CCDC12: variants seen among roughly 807,000 people sequenced by gnomAD.
CCDC12 encodes coiled-coil domain-containing protein 12.
CCDC12 carries 28 observed loss-of-function variants against 25.7 expected under a neutral mutation model. The ratio of observed to expected loss-of-function variants is 1.09; its 90% CI spans 0.81 to 1.50. CCDC12 has a LOEUF of 1.50. Ranked by LOEUF, CCDC12 falls within the 40% of genes most tolerant of loss-of-function variation. The pLI is 0.00. For synonymous variants in CCDC12, 75 were observed against 87.7 expected, an observed-to-expected ratio of 0.86 and a Z score of 0.81; for missense variants, 198 against 210.0, an observed-to-expected ratio of 0.94 and a Z score of 0.35.
At chr3:46,932,005 G>A (rs2033237846) in intron 2 of CCDC12, among the ~76,000 whole-genome samples, 1 of 152,114 alleles carries the variant, frequency 6.6e-6, no homozygotes, top group Non-Finnish European at 1.5e-5. Flanking sequence ...TAAATAACAA[G>A]GCTTCAGTTG....
In CCDC12 at chr3:46,926,806, C is replaced by T. The variant is rs148384069; in HGVS notation, c.165-1271G>A. On this transcript the variant is annotated intron_variant, in intron 2 of 6. Transcript: ENST00000683445. ...CCTCTTTCGGTTCTTGACCAGTGGT[C>T]CCTCAGAAAAGTCCTGGGCCTCTAA... is the stretch of plus-strand genomic sequence containing the variant. 1.6e-3 allele frequency among the ~76,000 whole-genome samples: 241 copies of T among 152,278 alleles called. No homozygotes were observed. The Middle Eastern group carries it at 0.02, about 13-fold the overall frequency.
chr3:46,941,100 G>A (rs372135004), intron 1 of CCDC12, 35 bp from the exon 2 acceptor site: 17 of 1,605,628 alleles, frequency 1.1e-5, no homozygotes, highest in Non-Finnish European at 1.5e-5. Context: ...CAGCTCAGTT[G>A]AAAGCTCCTA....
intron 2 of CCDC12, among the ~76,000 whole-genome samples, chr3:46,926,533 C>G (rs13060505): frequency 0.034 from 5,242 of 152,300 alleles, 139 homozygotes; most frequent in African/African-American, 0.071. Context: ...ACCAAGAACT[C>G]ACTGGGGTCC....
At chr3:46,941,707 T>C (rs2033717969) in intron 1 of CCDC12, among the ~76,000 whole-genome samples, 1 of 152,114 alleles carries the variant, frequency 6.6e-6, no homozygotes, top group Non-Finnish European at 1.5e-5. Context: ...GGAGGGGCCA[T>C]GCTGGCAGGC....
At chr3:46,946,304 T>A (rs2033903752) in intron 1 of CCDC12, among the ~76,000 whole-genome samples, 1 of 152,270 alleles carries the variant, frequency 6.6e-6, no homozygotes, top group Non-Finnish European at 1.5e-5. Flanking sequence ...TTAGAAAATG[T>A]AACTCTGTGC....
chr3:46,938,518 G>GTTTTTTTGTTTTTTTTT (rs2033549517), intron 2 of CCDC12, among the ~76,000 whole-genome samples: 1 of 91,380 alleles, frequency 1.1e-5, no homozygotes, highest in Non-Finnish European at 2.0e-5. Context: ...TTCCCCTCCT[G>GTTTTTTTGTTTTTTTTT]TTTTTTTTTT....
chr3:46,967,349 G>C (rs916080685), intron 1 of CCDC12, among the ~76,000 whole-genome samples: 4 of 152,174 alleles, frequency 2.6e-5, no homozygotes, highest in African/African-American at 9.6e-5. Context: ...CTGAGGTCCA[G>C]CCTTGGTGGT....
chr3:46,941,338 G>A (rs1055597651), intron 1 of CCDC12, among the ~76,000 whole-genome samples: 3 of 152,146 alleles, frequency 2.0e-5, no homozygotes, highest in African/African-American at 4.8e-5. Flanking sequence ...CGAGGTGGGC[G>A]GATCTCGAGG....
At chr3:46,978,263 C>A (rs547958476), upstream of CCDC12, among the ~76,000 whole-genome samples, 85 of 152,308 alleles carry the variant, frequency 5.6e-4, 1 homozygote, top group Middle Eastern at 0.01. Context: ...GCCTGGCATG[C>A]AGTTTGGAGG....
chr3:46,950,025 CA>C (rs11298672), intron 1 of CCDC12, among the ~76,000 whole-genome samples: 57,267 of 108,258 alleles, frequency 0.53, 13,505 homozygotes, highest in Non-Finnish European at 0.59. Flanking sequence ...GACTCCATCT[CA>C]AAAAAAAAAA....
At chr3:46,940,366 T>G (rs1045457128) in intron 2 of CCDC12, among the ~76,000 whole-genome samples, 2 of 152,142 alleles carry the variant, frequency 1.3e-5, no homozygotes, top group African/African-American at 4.8e-5. Flanking sequence ...GCAACTTAAG[T>G]GGACCCAACC....
intron 1 of CCDC12, among the ~76,000 whole-genome samples, chr3:46,965,298 C>T (rs971818755): frequency 6.6e-6 from 1 of 152,226 alleles, no homozygotes; most frequent in South Asian, 2.1e-4. Flanking sequence ...CAACTTACAC[C>T]TTGTAATACC....
intron 1 of CCDC12, among the ~76,000 whole-genome samples, chr3:46,955,571 G>A (rs1227418004): frequency 6.6e-6 from 1 of 152,184 alleles, no homozygotes; most frequent in Non-Finnish European, 1.5e-5. Context: ...GAAGGAGCGG[G>A]TGTGTCCAGG....
intron 1 of CCDC12, among the ~76,000 whole-genome samples, chr3:46,967,347 C>G (rs762474329): frequency 1.3e-5 from 2 of 152,098 alleles, no homozygotes; most frequent in Non-Finnish European, 2.9e-5. Flanking sequence ...GCCTGAGGTC[C>G]AGCCTTGGTG....
chr3:46,964,773 T>C (rs965739778), intron 1 of CCDC12, among the ~76,000 whole-genome samples: 41 of 152,150 alleles, frequency 2.7e-4, no homozygotes, highest in African/African-American at 4.8e-4. Context: ...TAAGAGTCAT[T>C]ACCACTCCCT....
intron 2 of CCDC12, among the ~76,000 whole-genome samples, chr3:46,938,101 A>T (rs912381610): frequency 6.6e-6 from 1 of 152,222 alleles, no homozygotes; most frequent in Non-Finnish European, 1.5e-5. Flanking sequence ...CACTGCCTCA[A>T]AAGAGGCCAG....
At chr3:46,954,399 G>GGGACCTGAAAACCTCAGTGGGTT (rs2034223710) in intron 1 of CCDC12, among the ~76,000 whole-genome samples, 1 of 152,132 alleles carries the variant, frequency 6.6e-6, no homozygotes, top group Non-Finnish European at 1.5e-5. Context: ...CTCAGTGGGT[G>GGGACCTGAAAACCTCAGTGGGTT]GCCCCTGTAA....
At chr3:46,972,796 A>C (rs2034844841) in intron 1 of CCDC12, among the ~76,000 whole-genome samples, 1 of 151,600 alleles carries the variant, frequency 6.6e-6, no homozygotes, top group Non-Finnish European at 1.5e-5. Flanking sequence ...AGAAAGAAAG[A>C]AAATAAAATA....
chr3:46,943,497 A>C (rs2033793399), intron 1 of CCDC12, among the ~76,000 whole-genome samples: 1 of 152,230 alleles, frequency 6.6e-6, no homozygotes, highest in African/African-American at 2.4e-5. Flanking sequence ...CCAGCCACAA[A>C]GACGACTCCT....
Sources: gnomAD v4.1 joint callset for allele counts (sites outside exome capture counted in the v4.1 genomes callset) on GRCh38, gnomAD v4.1.1 for gene constraint, MANE v1.5 for transcripts, NCBI Gene and HGNC (gene_info 2026-07-23, HGNC 2026-07-21) for gene names.